KCNK13: variants seen among roughly 807,000 people sequenced by gnomAD.
KCNK13 encodes potassium channel subfamily K member 13.
In KCNK13, 12 loss-of-function variants were observed where a neutral mutation model predicts 23.4. That is an observed-to-expected ratio of 0.51 (90% CI 0.33 to 0.83). The LOEUF (loss-of-function observed/expected upper bound fraction) is 0.83. Ranked by LOEUF, KCNK13 falls within the 40% of genes least tolerant of loss-of-function variation. The pLI is 0.02. For synonymous variants in KCNK13, 231 were observed against 229.5 expected (o/e 1.01, Z -0.06); for missense variants, 463 against 556.3 (o/e 0.83, Z 1.69).
At chr14:90,074,653 T>A (rs1889114910) in intron 1 of KCNK13, among the ~76,000 whole-genome samples, 1 of 152,238 alleles carries the variant, frequency 6.6e-6, no homozygotes, top group South Asian at 2.1e-4. Context: ...TTATTTGTTG[T>A]TTCTGTATAT....
intron 1 of KCNK13, among the ~76,000 whole-genome samples, chr14:90,120,450 T>C (rs1196449546): frequency 6.6e-6 from 1 of 152,148 alleles, no homozygotes; most frequent in Non-Finnish European, 1.5e-5. Context: ...CAGTTCTAAG[T>C]GGCTGGGGAG....
At chr14:90,159,570 A>G (rs1890230063) in intron 1 of KCNK13, among the ~76,000 whole-genome samples, 1 of 152,228 alleles carries the variant, frequency 6.6e-6, no homozygotes. Flanking sequence ...GACCCAATTA[A>G]CAGAAAGTGT....
chr14:90,073,603 G>T (rs933465021), intron 1 of KCNK13, among the ~76,000 whole-genome samples: 1 of 152,142 alleles, frequency 6.6e-6, no homozygotes, highest in African/African-American at 2.4e-5. Context: ...GAGCCCGTGG[G>T]GTTCATGGTA....
chr14:90,097,227 T>G (rs1157258791), intron 1 of KCNK13, among the ~76,000 whole-genome samples: 1 of 152,094 alleles, frequency 6.6e-6, no homozygotes, highest in Non-Finnish European at 1.5e-5. Flanking sequence ...AGAGGTTTCT[T>G]TAGTTTATAG....
chr14:90,141,648 A>C (rs1173657602), intron 1 of KCNK13, among the ~76,000 whole-genome samples: 1 of 151,506 alleles, frequency 6.6e-6, no homozygotes, highest in Non-Finnish European at 1.5e-5. Context: ...AGTAGAGACG[A>C]GATTTCACCA....
chr14:90,167,386 T>G (rs1890315665), intron 1 of KCNK13, among the ~76,000 whole-genome samples: 1 of 152,184 alleles, frequency 6.6e-6, no homozygotes, highest in Admixed American at 6.5e-5. Context: ...AAGCATAACA[T>G]TTATTGAGTT....
chr14:90,080,308 T>C (rs1314301527), intron 1 of KCNK13, among the ~76,000 whole-genome samples: 6 of 151,848 alleles, frequency 4.0e-5, no homozygotes, highest in Non-Finnish European at 7.4e-5. Flanking sequence ...ACAAAAAAAT[T>C]AGCCGGGCCT....
At chr14:90,112,558 T>TA (rs1209748357) in intron 1 of KCNK13, among the ~76,000 whole-genome samples, 2 of 152,132 alleles carry the variant, frequency 1.3e-5, no homozygotes, top group East Asian at 1.9e-4. Flanking sequence ...TTGCAAGTGA[T>TA]AAAAAAATTG....
chr14:90,166,444 G>A (rs1266379750), intron 1 of KCNK13, among the ~76,000 whole-genome samples: 1 of 152,190 alleles, frequency 6.6e-6, no homozygotes, highest in East Asian at 1.9e-4. Flanking sequence ...AGTGGCTCAC[G>A]CCTATAATCC....
At position 90,109,513 on chromosome 14, in the gene KCNK13, A is replaced by G. The variant is rs554885465; in HGVS notation, c.334+46974A>G. ...AAGCTCCACCTCCCAGGTTCACGCC[A>G]TTCTCCTGCCTCAGCCTCCCGAGTA... On this transcript the variant is annotated intron_variant, in intron 1 of 1. Transcript: ENST00000282146. Among the ~76,000 whole-genome samples the G allele has an allele frequency of 2.1e-5, 3 of 145,540 alleles. No homozygotes were observed. In the East Asian group the frequency reaches 6.3e-4, roughly 30 times the overall value.
chr14:90,175,545 C>T (rs1296857990), intron 1 of KCNK13, among the ~76,000 whole-genome samples: 1 of 152,164 alleles, frequency 6.6e-6, no homozygotes, highest in Admixed American at 6.5e-5. Context: ...CCTCTTGAAG[C>T]CCCTTTAAGT....
chr14:90,185,000 G>A lies in KCNK13; in HGVS notation c.1224G>A (p.Arg408=). The A allele has an allele frequency of 1.3e-6, 2 of 1,579,586 alleles. No individual in the cohort carries two copies. The highest frequency in any genetic ancestry group is 8.6e-7 in the Non-Finnish European group (1 of 1,162,960). ...NNRLAETSGD[R] The stretch of plus-strand genomic sequence containing the variant: ...GGTTGGCAGAGACCAGTGGGGACAG[G>A]TAGAAGCCAGGAGTGGATGCTGGGC... Residue 408 remains arginine, a synonymous_variant, in exon 2 of 2, where the codon AGG becomes AGA. Coordinates refer to ENST00000282146, the MANE Select transcript of KCNK13 (RefSeq NM_022054.4). The surrounding 1 kb of genome is among the most constrained non-coding windows in gnomAD (Gnocchi z 5.6).
At chr14:90,176,351 A>G (rs888034803) in intron 1 of KCNK13, among the ~76,000 whole-genome samples, 1 of 152,058 alleles carries the variant, frequency 6.6e-6, no homozygotes, top group Non-Finnish European at 1.5e-5. Context: ...CATAAATACA[A>G]TGGGCCCAGT....
intron 1 of KCNK13, among the ~76,000 whole-genome samples, chr14:90,087,397 A>G (rs1482433742): frequency 6.6e-6 from 1 of 151,980 alleles, no homozygotes; most frequent in Non-Finnish European, 1.5e-5. Context: ...ATTTTATTTC[A>G]TTCATTAAAA....
intron 1 of KCNK13, among the ~76,000 whole-genome samples, chr14:90,085,821 A>G (rs1277703837): frequency 2.2e-5 from 3 of 138,078 alleles, no homozygotes; most frequent in African/African-American, 5.4e-5. Flanking sequence ...ATTATATATT[A>G]TATATTATAT....
intron 1 of KCNK13, among the ~76,000 whole-genome samples, chr14:90,097,074 C>T (rs1190819924): frequency 6.6e-6 from 1 of 152,100 alleles, no homozygotes. Context: ...AAACTCAAAC[C>T]TTGTTTTCTA....
At chr14:90,154,224 G>A (rs1455417608) in intron 1 of KCNK13, among the ~76,000 whole-genome samples, 3 of 151,948 alleles carry the variant, frequency 2.0e-5, no homozygotes, top group African/African-American at 7.3e-5. Flanking sequence ...TACCCACAAT[G>A]CTGTGCTCTC....
intron 1 of KCNK13, among the ~76,000 whole-genome samples, chr14:90,075,843 AC>A (rs1360229954): frequency 2.0e-5 from 3 of 152,006 alleles, no homozygotes; most frequent in Non-Finnish European, 4.4e-5. Context: ...ATGCCTCTGG[AC>A]CCTTAGGCTT....
chr14:90,090,880 A>G (rs941484125), intron 1 of KCNK13, among the ~76,000 whole-genome samples: 1 of 152,198 alleles, frequency 6.6e-6, no homozygotes, highest in Non-Finnish European at 1.5e-5. Context: ...GCCCTCTGCC[A>G]TGACTGTGAG....
Sources: gnomAD v4.1 joint callset for allele counts (sites outside exome capture counted in the v4.1 genomes callset) on GRCh38, gnomAD v4.1.1 for gene constraint, Gnocchi (gnomAD v3.1) non-coding constraint, MANE v1.5 for transcripts, NCBI Gene and HGNC (gene_info 2026-07-23, HGNC 2026-07-21) for gene names.